The following EXOC3 variants were observed in gnomAD, a reference collection of about 807,000 sequenced individuals.
EXOC3 encodes SEC6-like 1.
A neutral mutation model predicts 73.7 loss-of-function variants in EXOC3; 21 were observed. The observed-to-expected ratio is 0.29, with a 90% confidence interval of 0.20 to 0.41. The LOEUF (loss-of-function observed/expected upper bound fraction) is 0.41. EXOC3 is among the 10% of genes least tolerant of loss of function. The probability of loss-of-function intolerance (pLI) is 1.00; values close to 1 mark genes in which losing one functional copy is unlikely to be tolerated. For missense variants in EXOC3, 842 were observed against 985.1 expected, an observed-to-expected ratio of 0.85 and a Z score of 1.95; for synonymous variants, 410 against 389.1, an observed-to-expected ratio of 1.05 and a Z score of -0.63.
intron 4 of EXOC3, 67 bp from the exon 5 acceptor site, chr5:456,822 G>T: frequency 8.2e-7 from 1 of 1,215,532 alleles, no homozygotes; most frequent in South Asian, 1.3e-5. Context: ...AAACAGTCTC[G>T]GCACACTTGG....
intron 6 of EXOC3, 106 bp downstream of exon 6, chr5:458,131 T>C: frequency 8.2e-7 from 1 of 1,224,312 alleles, no homozygotes. Context: ...CCACAGAGTG[T>C]AGTAAAAATA....
intron 12 of EXOC3, chr5:466,460 C>T (rs1411096236): frequency 4.4e-6 from 2 of 456,494 alleles, no homozygotes; most frequent in Non-Finnish European, 7.8e-6. Context: ...GGGTCTTGAG[C>T]TCTCCACGGT....
In EXOC3 at chr5:462,154, C is replaced by T. The variant is rs767569822; in HGVS notation, c.1503-3C>T. 1.2e-6 allele frequency: 2 copies of T among 1,613,724 alleles called. No individual in the cohort carries two copies. The highest frequency in any genetic ancestry group is 2.2e-5 in the South Asian group (2 of 91,086). ...GTGTTGAACCTGAACCCTTTCCTTG[C>T]AGGGAATCCATAGTCAGTTTAAAAA... On this transcript the variant is annotated splice_region_variant and splice_polypyrimidine_tract_variant and intron_variant, in intron 8 of 12. Coordinates refer to ENST00000512944, the MANE Select transcript of EXOC3 (RefSeq NM_007277.5).
chr5:466,900 C>T lies in EXOC3; in HGVS notation c.*2C>T, dbSNP rs1041524417. On this transcript the variant is annotated 3_prime_UTR_variant, in exon 13 of 13. Transcript: ENST00000512944. The stretch of plus-strand genomic sequence containing the variant: ...AACGTGGCCAAGCTGCTCAAGTAGC[C>T]TCCGCCGGCCTGCCCTGCTCGCCCC... The T allele has an allele frequency of 2.5e-6, 4 of 1,594,514 alleles. No individual in the cohort carries two copies. Among genetic ancestry groups the T allele is most frequent in the African/African-American group, 1.3e-5 (1 of 74,424 alleles).
At chr5:459,288 A>T (rs1737914010) in intron 6 of EXOC3, 71 bp from the exon 7 acceptor site, 2 of 676,076 alleles carry the variant, frequency 3.0e-6, no homozygotes. Flanking sequence ...GGTTTCATAT[A>T]ACAGCAAACC....
intron 1 of EXOC3, among the ~76,000 whole-genome samples, chr5:444,295 G>A (rs1354380350): frequency 2.0e-5 from 3 of 152,218 alleles, no homozygotes; most frequent in Non-Finnish European, 4.4e-5. Context: ...CCTCTGCGGT[G>A]CGTTTTTTAA....
At chr5:445,618 T>G (rs1362351226) in intron 1 of EXOC3, among the ~76,000 whole-genome samples, 1 of 152,198 alleles carries the variant, frequency 6.6e-6, no homozygotes, top group Non-Finnish European at 1.5e-5. Flanking sequence ...CCTGCCAAAG[T>G]GCTGGGATTA....
chr5:459,654 C>T, intron 7 of EXOC3, 195 bp downstream of exon 7: 1 of 484,542 alleles, frequency 2.1e-6, no homozygotes, highest in Non-Finnish European at 3.7e-6. Context: ...GAGTGGACCA[C>T]ACACCCCCTT....
rs571929653 is a variant in EXOC3, at chr5:464,449, C to T, written c.1776+37C>T. 5.0e-6 allele frequency: 8 copies of T among 1,606,402 alleles called. No homozygotes were observed. The Admixed American group carries it at 6.7e-5, about 13-fold the overall frequency. On this transcript the variant is annotated intron_variant, in intron 10 of 12. Coordinates refer to ENST00000512944, the MANE Select transcript of EXOC3 (RefSeq NM_007277.5). ...GGACCTAGTTCCCTCATCACCTTGA[C>T]GCTAGGGCTCACCTCTCACCCTGCT...
chr5:457,793 G>A, intron 5 of EXOC3, 107 bp from the exon 6 acceptor site: 1 of 1,240,568 alleles, frequency 8.1e-7, no homozygotes, highest in Non-Finnish European at 1.1e-6. Flanking sequence ...CTGGTGCCCT[G>A]TGTCTGGTTT....
intron 4 of EXOC3, among the ~76,000 whole-genome samples, chr5:455,513 G>A (rs996629851): frequency 6.6e-6 from 1 of 152,148 alleles, no homozygotes; most frequent in East Asian, 1.9e-4. Flanking sequence ...TTTTCACTTA[G>A]GAAGCTCTCG....
At chr5:443,546 A>G (rs1242100993) in intron 1 of EXOC3, among the ~76,000 whole-genome samples, 4 of 151,022 alleles carry the variant, frequency 2.6e-5, no homozygotes, top group Admixed American at 2.0e-4. Flanking sequence ...CCCCACAGGC[A>G]CAAGGTCCTT....
At chr5:463,312 T>C (rs1738042180) in intron 9 of EXOC3, among the ~76,000 whole-genome samples, 2 of 152,216 alleles carry the variant, frequency 1.3e-5, no homozygotes, top group African/African-American at 4.8e-5. Context: ...ATATTTACAT[T>C]TGAAATTATT....
intron 3 of EXOC3, among the ~76,000 whole-genome samples, chr5:449,473 G>C (rs565225043): frequency 6.6e-6 from 1 of 152,212 alleles, no homozygotes; most frequent in South Asian, 2.1e-4. Flanking sequence ...CCCAGCTCCT[G>C]GTCACCACCA....
intron 3 of EXOC3, among the ~76,000 whole-genome samples, chr5:451,026 C>G (rs1737646178): frequency 6.6e-6 from 1 of 152,118 alleles, no homozygotes; most frequent in Admixed American, 6.6e-5. Flanking sequence ...TTGCCTACCT[C>G]TTTTGATGGA....
chr5:446,822 A>G (rs758901513), intron 2 of EXOC3, among the ~76,000 whole-genome samples: 2 of 151,406 alleles, frequency 1.3e-5, no homozygotes, highest in African/African-American at 4.8e-5. Flanking sequence ...GTGCCATTGC[A>G]TTCCAGCCTG....
rs567671614 is a variant in EXOC3 at position 446,148 on chromosome 5, A to G, written c.-56-2A>G. 1 of 1,603,406 alleles carries G rather than the reference A, an allele frequency of 6.2e-7. No individual in the cohort carries two copies. The highest frequency in any genetic ancestry group is 8.5e-7 in the Non-Finnish European group (1 of 1,170,748). Reference sequence around the variant, plus strand: ...TTTCTACCGTCCTAACAACTCCTGCAGTGCACAGAGAACACCCCTAGCATG... The same window carrying G: ...TTTCTACCGTCCTAACAACTCCTGCGGTGCACAGAGAACACCCCTAGCATG... On this transcript the variant is annotated splice_acceptor_variant, in intron 1 of 12. Coordinates refer to ENST00000512944, the MANE Select transcript of EXOC3 (RefSeq NM_007277.5). LOFTEE classifies it low-confidence loss of function (5UTR_SPLICE).
intron 9 of EXOC3, 169 bp downstream of exon 9, chr5:462,476 G>C: frequency 1.5e-6 from 1 of 658,158 alleles, no homozygotes; most frequent in Non-Finnish European, 2.6e-6. Flanking sequence ...TTTCGGTGAC[G>C]CTGCTTCGTA....
At position 466,912 on chromosome 5, in the gene EXOC3, GC is replaced by G; in HGVS notation, c.*17del. 2 of 1,580,034 alleles carry G rather than the reference GC, an allele frequency of 1.3e-6. No homozygotes were observed. The highest frequency in any genetic ancestry group is 1.7e-6 in the Non-Finnish European group (2 of 1,163,000). ...CTGCTCAAGTAGCCTCCGCCGGCCTGCCCTGCTCGCCCCTCCACAGCCTCGG... is the reference window on the plus strand; with the variant it reads ...CTGCTCAAGTAGCCTCCGCCGGCCTGCCTGCTCGCCCCTCCACAGCCTCGG... On this transcript the variant is annotated 3_prime_UTR_variant, in exon 13 of 13. Transcript: ENST00000512944.
Sources: allele counts gnomAD v4.1 joint callset (sites outside exome capture counted in the v4.1 genomes callset), GRCh38; gene constraint gnomAD v4.1.1; transcripts MANE v1.5; gene names NCBI Gene and HGNC (gene_info 2026-07-23, HGNC 2026-07-21).